The following ADAMTS16 variants were observed in gnomAD, a reference collection of about 807,000 sequenced individuals.
ADAMTS16 encodes A disintegrin and metalloproteinase with thrombospondin motifs 16.
Under a neutral mutation model 145.8 loss-of-function variants are expected in ADAMTS16, and 94 were observed. The observed-to-expected ratio is 0.64, with a 90% CI of 0.55 to 0.77. The LOEUF (loss-of-function observed/expected upper bound fraction) is 0.77. ADAMTS16 is among the 30% of genes least tolerant of loss of function. The probability of loss-of-function intolerance (pLI) is 0.00; values close to 1 mark genes in which losing one functional copy is unlikely to be tolerated. For synonymous variants in ADAMTS16, 659 were observed against 604.3 expected, an observed-to-expected ratio of 1.09 and a Z score of -1.33; for missense variants, 1,585 against 1,591.5, an observed-to-expected ratio of 1.00 and a Z score of 0.07.
chr5:5,270,246 G>C (rs993829941), intron 18 of ADAMTS16, among the ~76,000 whole-genome samples: 11 of 152,156 alleles, frequency 7.2e-5, no homozygotes, highest in African/African-American at 2.7e-4. Context: ...AGATCTCCAG[G>C]CTCCCTTCCC....
chr5:5,262,667 C>A lies in ADAMTS16; in HGVS notation c.2673C>A (p.Thr891=). The A allele has an allele frequency of 6.2e-7, 1 of 1,613,780 alleles. No homozygotes were observed. Among genetic ancestry groups the A allele is most frequent in the Non-Finnish European group, 8.5e-7 (1 of 1,179,878 alleles). ...CATCCTTGCCTGCAGGACAGATGACCGTGAGAGAGGGCTGCTACAGAGACC... is the reference window on the plus strand; with the variant it reads ...CATCCTTGCCTGCAGGACAGATGACAGTGAGAGAGGGCTGCTACAGAGACC... The part of the protein sequence containing the change: ...CSVSCGGGQM[T]VREGCYRDLK... The change falls in exon 18 of 23, where the codon ACC becomes ACA. Residue 891 remains threonine, a synonymous_variant. Transcript: ENST00000274181.
intron 3 of ADAMTS16, among the ~76,000 whole-genome samples, chr5:5,149,870 C>T (rs1014549939): frequency 6.6e-6 from 1 of 152,202 alleles, no homozygotes; most frequent in Non-Finnish European, 1.5e-5. Context: ...CGTTGCAGCA[C>T]ATACCAGTAC....
intron 10 of ADAMTS16, among the ~76,000 whole-genome samples, chr5:5,212,242 C>G (rs528592764): frequency 3.5e-4 from 49 of 138,804 alleles, no homozygotes; most frequent in Non-Finnish European, 6.3e-4. Flanking sequence ...GAGTCTTGCT[C>G]TGTCACCCAG....
intron 17 of ADAMTS16, among the ~76,000 whole-genome samples, chr5:5,259,613 T>C (rs1239246011): frequency 6.6e-6 from 1 of 152,176 alleles, no homozygotes; most frequent in Admixed American, 6.5e-5. Flanking sequence ...ATGGTCCCAC[T>C]ACTGAATCCA....
chr5:5,213,386 T>A (rs1208494691), intron 10 of ADAMTS16, among the ~76,000 whole-genome samples: 1 of 152,200 alleles, frequency 6.6e-6, no homozygotes, highest in Non-Finnish European at 1.5e-5. Flanking sequence ...ATGAAAAGTG[T>A]TTGGATAAAT....
chr5:5,271,664 AC>A (rs1376818660), intron 18 of ADAMTS16, among the ~76,000 whole-genome samples: 1 of 152,098 alleles, frequency 6.6e-6, no homozygotes, highest in East Asian at 1.9e-4. Context: ...CTAATCACAC[AC>A]CTGCCAGGAC....
At chr5:5,223,636 C>T (rs6895855) in intron 11 of ADAMTS16, 86,042 of 151,660 alleles carry the variant, frequency 0.57, 25,741 homozygotes, top group East Asian at 0.88. Flanking sequence ...GAACCTAAAA[C>T]AAAAGTCGGA....
In ADAMTS16 at chr5:5,154,703, G is replaced by A. The variant is rs575897952; in HGVS notation, c.501+8248G>A. ...CGTGTCTTCAGATTCTCTGTCCAGCGATGTTTTCACCAAGAATCACTTGAT... is the reference window on the plus strand; with the variant it reads ...CGTGTCTTCAGATTCTCTGTCCAGCAATGTTTTCACCAAGAATCACTTGAT... On this transcript the variant is annotated intron_variant, in intron 3 of 22. Transcript: ENST00000274181. 3.5e-3 allele frequency among the ~76,000 whole-genome samples: 533 copies of A among 152,242 alleles called. 2 individuals are homozygous for A. Among genetic ancestry groups the A allele is most frequent in the South Asian group, 9.5e-3 (46 of 4,820 alleles).
chr5:5,194,416 T>C (rs963423235), intron 8 of ADAMTS16, among the ~76,000 whole-genome samples: 7 of 152,184 alleles, frequency 4.6e-5, no homozygotes, highest in African/African-American at 7.2e-5. Context: ...CACATACAGC[T>C]CAAACCATGG....
intron 11 of ADAMTS16, among the ~76,000 whole-genome samples, chr5:5,231,181 C>T (rs1039781389): frequency 4.6e-5 from 7 of 152,044 alleles, no homozygotes; most frequent in East Asian, 3.9e-4. Context: ...TGTTCTACAC[C>T]GGGTGGGAGG....
Position 5,195,967 on chromosome 5 carries a change from C to T in ADAMTS16, c.1314-4165C>T, listed in dbSNP as rs534415714. Among the ~76,000 whole-genome samples, 3 of 152,218 alleles carry T rather than the reference C, an allele frequency of 2.0e-5. No homozygotes were observed. In the East Asian group the frequency reaches 5.8e-4, roughly 29 times the overall value. On this transcript the variant is annotated intron_variant, in intron 8 of 22. Coordinates refer to ENST00000274181, the MANE Select transcript of ADAMTS16 (RefSeq NM_139056.4). ...TTGGGCCGTGTGTGGTGGCTCACTC[C>T]TGTTAATCCCAGCATTTTGGGAGCC...
At chr5:5,309,436 A>C (rs1740323442) in intron 21 of ADAMTS16, among the ~76,000 whole-genome samples, 1 of 152,132 alleles carries the variant, frequency 6.6e-6, no homozygotes, top group Non-Finnish European at 1.5e-5. Flanking sequence ...GATATACCAT[A>C]TATATGCCAG....
At chr5:5,217,485 C>G (rs1736469329) in intron 10 of ADAMTS16, among the ~76,000 whole-genome samples, 1 of 152,136 alleles carries the variant, frequency 6.6e-6, no homozygotes, top group South Asian at 2.1e-4. Flanking sequence ...TTTATAGTTT[C>G]AGGTCTTAGG....
At chr5:5,232,547 A>T in intron 12 of ADAMTS16, 31 bp downstream of exon 12, 4 of 1,606,002 alleles carry the variant, frequency 2.5e-6, no homozygotes, top group Non-Finnish European at 3.4e-6. Flanking sequence ...TTCCTCACAA[A>T]CGACTGATTT....
intron 21 of ADAMTS16, among the ~76,000 whole-genome samples, chr5:5,308,612 C>T (rs1362006350): frequency 1.3e-5 from 2 of 152,198 alleles, no homozygotes; most frequent in Admixed American, 6.5e-5. Context: ...TGCCTGGACA[C>T]GCTTCCCATC....
rs182086030 is a variant in ADAMTS16 at position 5,293,229 on chromosome 5, G to T, written c.2790-10039G>T. 4.2e-3 allele frequency among the ~76,000 whole-genome samples: 634 copies of T among 152,238 alleles called. 6 individuals are homozygous for T. Among genetic ancestry groups the T allele is most frequent in the African/African-American group, 0.013 (552 of 41,544 alleles). On this transcript the variant is annotated intron_variant, in intron 18 of 22. Coordinates refer to ENST00000274181, the MANE Select transcript of ADAMTS16 (RefSeq NM_139056.4). ...GGCGCTGGCACATTCTTAGTTCGATGGGTGTGGCATTGAACCTGAGGACAG... is the reference window on the plus strand; with the variant it reads ...GGCGCTGGCACATTCTTAGTTCGATTGGTGTGGCATTGAACCTGAGGACAG...
intron 9 of ADAMTS16, among the ~76,000 whole-genome samples, chr5:5,201,890 C>A (rs1560946680): frequency 6.6e-6 from 1 of 152,196 alleles, no homozygotes; most frequent in Non-Finnish European, 1.5e-5. Context: ...TTTCACTGAC[C>A]TTACTTCTTT....
chr5:5,247,814 A>G (rs911023996), intron 17 of ADAMTS16, among the ~76,000 whole-genome samples: 1 of 152,262 alleles, frequency 6.6e-6, no homozygotes, highest in African/African-American at 2.4e-5. Flanking sequence ...GCCCCTGTGA[A>G]GCAGGGAATC....
intron 18 of ADAMTS16, among the ~76,000 whole-genome samples, chr5:5,271,458 C>G (rs1434347625): frequency 6.6e-6 from 1 of 152,280 alleles, no homozygotes; most frequent in East Asian, 1.9e-4. Context: ...ACTGCCCAGA[C>G]AAGCAGCCTA....
Sources: gnomAD v4.1 joint callset for allele counts (sites outside exome capture counted in the v4.1 genomes callset) on GRCh38, gnomAD v4.1.1 for gene constraint, MANE v1.5 for transcripts, NCBI Gene and HGNC (gene_info 2026-07-23, HGNC 2026-07-21) for gene names.